The following PRPF18 variants were observed in gnomAD, a reference collection of about 807,000 sequenced individuals.
The protein encoded by PRPF18 is pre-mRNA processing factor 18.
In PRPF18, 38 loss-of-function variants were observed where a neutral mutation model predicts 46.5. That is an observed-to-expected ratio of 0.82 (90% CI 0.63 to 1.07). PRPF18 has a LOEUF of 1.07. Ranked by LOEUF, PRPF18 falls within the 50% of genes least tolerant of loss-of-function variation. The probability of loss-of-function intolerance (pLI) is 0.00; values close to 1 mark genes in which losing one functional copy is unlikely to be tolerated. For missense variants in PRPF18, 263 were observed against 410.0 expected (o/e 0.64, Z 3.10); for synonymous variants, 152 against 146.7 (o/e 1.04, Z -0.26).
intron 6 of PRPF18, 138 bp from the exon 7 acceptor site, chr10:13,613,603 C>T: frequency 1.0e-6 from 1 of 965,320 alleles, no homozygotes; most frequent in Non-Finnish European, 1.5e-6. Context: ...CTAGCTTATT[C>T]TATATTATTT....
intron 4 of PRPF18, 71 bp downstream of exon 4, chr10:13,605,815 C>T: frequency 6.8e-7 from 1 of 1,476,184 alleles, no homozygotes. Flanking sequence ...TGACTAATTG[C>T]ATTATTGTAG....
At chr10:13,605,360 G>A (rs1486172533) in intron 3 of PRPF18, among the ~76,000 whole-genome samples, 1 of 152,060 alleles carries the variant, frequency 6.6e-6, no homozygotes, top group East Asian at 1.9e-4. Flanking sequence ...GAGGCAGGCG[G>A]ATCACAAGGG....
chr10:13,611,819 A>G (rs1019497601), intron 6 of PRPF18, 136 bp downstream of exon 6: 2 of 670,222 alleles, frequency 3.0e-6, no homozygotes, highest in East Asian at 5.1e-5. Context: ...GATGTTTATG[A>G]TATCACTATG....
chr10:13,629,747 C>G lies in PRPF18; in HGVS notation c.949-513C>G, dbSNP rs528613107. The stretch of plus-strand genomic sequence containing the variant: ...TCCCAACCAGAGCCCCTCATCTTGA[C>G]CACAGAACACAGAAAATAATTGGAG... On this transcript the variant is annotated intron_variant, in intron 9 of 9. Transcript: ENST00000378572. 2.6e-5 allele frequency among the ~76,000 whole-genome samples: 4 copies of G among 152,300 alleles called. No homozygotes were observed. The South Asian group carries it at 8.3e-4, about 32-fold the overall frequency.
At chr10:13,588,828 A>G (rs1335841307) in intron 1 of PRPF18, among the ~76,000 whole-genome samples, 1 of 152,136 alleles carries the variant, frequency 6.6e-6, no homozygotes, top group Non-Finnish European at 1.5e-5. Context: ...CTGGTTCTCA[A>G]AGCTTTTGGT....
chr10:13,655,449 TGAAGA>T, the PRPF18 span: 22 of 152,196 alleles, frequency 1.4e-4, no homozygotes, highest in African/African-American at 4.8e-4. Context: ...ATTTTACAGA[TGAAGA>T]AGGAACATAA....
chr10:13,613,658 C>T (rs2133757417), intron 6 of PRPF18, 83 bp from the exon 7 acceptor site: 3 of 1,368,586 alleles, frequency 2.2e-6, no homozygotes, highest in South Asian at 1.4e-5. Flanking sequence ...TGATTGTATT[C>T]TGTTTTTGTG....
downstream of PRPF18, chr10:13,632,071 G>T (rs1408798617): frequency 6.5e-6 from 1 of 152,676 alleles, no homozygotes; most frequent in Non-Finnish European, 1.5e-5. Flanking sequence ...GCCAGGCGCG[G>T]TGGCTCACGC....
intron 8 of PRPF18, among the ~76,000 whole-genome samples, chr10:13,615,507 T>G (rs1486419201): frequency 6.6e-6 from 1 of 152,190 alleles, no homozygotes; most frequent in Non-Finnish European, 1.5e-5. Flanking sequence ...CATTTATCTT[T>G]AGGGTAGAAA....
intron 3 of PRPF18, among the ~76,000 whole-genome samples, chr10:13,604,909 A>G (rs1168051895): frequency 1.3e-5 from 2 of 152,354 alleles, no homozygotes; most frequent in Non-Finnish European, 2.9e-5. Context: ...ATAATTATGT[A>G]AAATGAGGGC....
At chr10:13,637,004 G>T in the PRPF18 span, 4 of 152,172 alleles carry the variant, frequency 2.6e-5, no homozygotes, top group Non-Finnish European at 5.9e-5. Context: ...CAGCTTAGGG[G>T]TTCTGATACT....
intron 1 of PRPF18, chr10:13,591,680 C>A: frequency 1.5e-6 from 1 of 649,332 alleles, no homozygotes; most frequent in Non-Finnish European, 2.8e-6. Flanking sequence ...CTTGAATAAG[C>A]ATCAGTGGGA....
intron 6 of PRPF18, among the ~76,000 whole-genome samples, chr10:13,612,995 T>C (rs941155459): frequency 6.6e-5 from 10 of 152,218 alleles, no homozygotes; most frequent in African/African-American, 2.2e-4. Context: ...TTTTCTTGTG[T>C]GTACAGTTTA....
At chr10:13,601,492 A>G (rs1260170642) in intron 3 of PRPF18, among the ~76,000 whole-genome samples, 1 of 151,706 alleles carries the variant, frequency 6.6e-6, no homozygotes, top group Admixed American at 6.6e-5. Context: ...GTTTCCTCCC[A>G]CTCCCCCTGT....
At chr10:13,652,045 G>C in the PRPF18 span, 1 of 833,218 alleles carries the variant, frequency 1.2e-6, no homozygotes, top group Non-Finnish European at 2.1e-6. Flanking sequence ...CACAGACACA[G>C]ACACGATTAG....
chr10:13,634,691 C>A (rs1375450004), downstream of PRPF18, among the ~76,000 whole-genome samples: 1 of 152,138 alleles, frequency 6.6e-6, no homozygotes, highest in African/African-American at 2.4e-5. Context: ...TGTATGGAGA[C>A]CCAGTATTAC....
At chr10:13,624,673 A>G (rs2080471875) in intron 9 of PRPF18, among the ~76,000 whole-genome samples, 1 of 152,226 alleles carries the variant, frequency 6.6e-6, no homozygotes, top group African/African-American at 2.4e-5. Flanking sequence ...TAGTTCCTGG[A>G]TTCCACTGAT....
intron 1 of PRPF18, among the ~76,000 whole-genome samples, chr10:13,590,249 T>C (rs1056473772): frequency 2.6e-5 from 4 of 151,786 alleles, no homozygotes; most frequent in East Asian, 1.9e-4. Flanking sequence ...GAAGATAAGA[T>C]TGATTTTTTC....
Position 13,616,402 on chromosome 10 carries a change from A to G in PRPF18, c.797A>G (p.Asn266Ser), listed in dbSNP as rs1209029637. 1 of 1,604,596 alleles carries G rather than the reference A, an allele frequency of 6.2e-7. No individual in the cohort carries two copies. Among genetic ancestry groups the G allele is most frequent in the Admixed American group, 1.7e-5 (1 of 58,274 alleles). ...CTTCTTACACTTTCCTTTCAGGCAA[A>G]TGATGCTTATCTTCAGATGGCCATT... is the stretch of plus-strand genomic sequence containing the variant. ...FMLQREYVKANDAYLQMAIGN... is the reference protein window; with the variant it reads ...FMLQREYVKASDAYLQMAIGN... Residue 266 changes from asparagine (N) to serine (S), a missense_variant, in exon 9 of 10, where the codon AAT (asparagine) becomes AGT (serine). By Grantham distance (46) the Asn-to-Ser change is conservative. Around this residue, in one of 4 missense-constraint regions of PRPF18, gnomAD observed 155 missense variants for 245.1 expected, o/e 0.63. Transcript: ENST00000378572.
Sources: allele counts gnomAD v4.1 joint callset (sites outside exome capture counted in the v4.1 genomes callset), GRCh38; gene constraint gnomAD v4.1.1; regional missense constraint gnomAD v4.1.1; transcripts MANE v1.5; gene names NCBI Gene and HGNC (gene_info 2026-07-23, HGNC 2026-07-21).